The following DAB2IP variants were observed in gnomAD, a reference collection of about 807,000 sequenced individuals.
The protein encoded by DAB2IP is disabled homolog 2-interacting protein.
A neutral mutation model predicts 107.2 loss-of-function variants in DAB2IP; 28 were observed. That is an observed-to-expected ratio of 0.26 (90% confidence interval 0.19 to 0.36). The LOEUF (loss-of-function observed/expected upper bound fraction) is 0.36, where lower values mean the gene tolerates loss of function less well. Among genes scored for constraint, DAB2IP ranks in the 10% least tolerant of loss-of-function variants. The pLI is 1.00. For missense variants in DAB2IP, 1,400 were observed against 1,644.7 expected (o/e 0.85, Z 2.57); for synonymous variants, 755 against 706.4 (o/e 1.07, Z -1.09).
At chr9:121,723,028 G>C (rs1831027947) in intron 3 of DAB2IP, among the ~76,000 whole-genome samples, 1 of 152,216 alleles carries the variant, frequency 6.6e-6, no homozygotes, top group South Asian at 2.1e-4. Flanking sequence ...AGGCCACCCA[G>C]CATGCTCCTG....
intron 1 of DAB2IP, among the ~76,000 whole-genome samples, chr9:121,594,903 C>T (rs2118937409): frequency 6.6e-6 from 1 of 152,268 alleles, no homozygotes; most frequent in Admixed American, 6.5e-5. Flanking sequence ...TAGGCACTGA[C>T]TGGGTAGAGA....
upstream of DAB2IP, among the ~76,000 whole-genome samples, chr9:121,648,549 T>C (rs114504953): frequency 0.011 from 1,728 of 152,122 alleles, 45 homozygotes; most frequent in African/African-American, 0.039. Context: ...TGGGGTTAGG[T>C]CAGATCTGAT....
intron 3 of DAB2IP, among the ~76,000 whole-genome samples, chr9:121,719,360 T>G (rs1238341802): frequency 6.6e-6 from 1 of 151,970 alleles, no homozygotes; most frequent in East Asian, 1.9e-4. Context: ...ACAGAAGAAG[T>G]GACAGGAGTT....
chr9:121,590,500 A>G (rs1830403818), intron 1 of DAB2IP, among the ~76,000 whole-genome samples: 1 of 152,128 alleles, frequency 6.6e-6, no homozygotes. Flanking sequence ...AGGCTCTGTC[A>G]TCTACATGCT....
intron 2 of DAB2IP, among the ~76,000 whole-genome samples, chr9:121,690,627 G>A (rs1053423338): frequency 9.2e-5 from 14 of 152,280 alleles, no homozygotes; most frequent in Admixed American, 7.8e-4. Flanking sequence ...GTTTCTGTTC[G>A]CTGATGCCCG....
chr9:121,751,859 CTG>C, intron 3 of DAB2IP: 1 of 925,074 alleles, frequency 1.1e-6, no homozygotes, highest in Non-Finnish European at 1.3e-6. Context: ...CCAAGCTCCT[CTG>C]TAGCAGCGGA....
rs115048427 is a variant in DAB2IP, at chr9:121,642,894, C to T, written c.41-35784C>T. ...GCAAAGGCACTTGAGATAAGGGGTC[C>T]AGGGAAGGTCTCTGAGGGTGTGATA... On this transcript the variant is annotated intron_variant, in intron 1 of 16. Coordinates refer to the DAB2IP transcript ENST00000259371. Among the ~76,000 whole-genome samples the T allele has an allele frequency of 1.8e-3, 267 of 152,102 alleles. 1 individual carries two copies. Among genetic ancestry groups the T allele is most frequent in the African/African-American group, 5.8e-3 (242 of 41,508 alleles).
At chr9:121,742,526 C>A (rs1411609435) in intron 3 of DAB2IP, among the ~76,000 whole-genome samples, 1 of 152,238 alleles carries the variant, frequency 6.6e-6, no homozygotes, top group East Asian at 1.9e-4. Context: ...AGACCAGGTG[C>A]TGAGACGCAG....
At chr9:121,669,945 C>T (rs540025709) in intron 1 of DAB2IP, among the ~76,000 whole-genome samples, 40 of 152,284 alleles carry the variant, frequency 2.6e-4, no homozygotes, top group African/African-American at 8.7e-4. Context: ...ACCATGCCTG[C>T]GTATAGTTCT....
chr9:121,732,831 C>T (rs1447849678), intron 3 of DAB2IP, among the ~76,000 whole-genome samples: 1 of 152,102 alleles, frequency 6.6e-6, no homozygotes. Context: ...CATGGATAGC[C>T]ACAGCTTATG....
Position 121,684,328 on chromosome 9 carries a change from A to G in DAB2IP, c.228+5547A>G, listed in dbSNP as rs1828746130. Among the ~76,000 whole-genome samples, 1 of 152,044 alleles carries G rather than the reference A, an allele frequency of 6.6e-6. No homozygotes were observed. Among genetic ancestry groups the G allele is most frequent in the Non-Finnish European group, 1.5e-5 (1 of 68,012 alleles). On this transcript the variant is annotated intron_variant, in intron 2 of 15. Coordinates refer to ENST00000408936, the Ensembl canonical transcript of DAB2IP. This position sits in a 1 kb window ranked among gnomAD's most constrained non-coding sequence, Gnocchi z 4.0. ...ACAGCATGTCTAGGGTAGGGCCTGGAGTTGAGCCCAGGTCTCTGTCCCTCT... is the reference window on the plus strand; with the variant it reads ...ACAGCATGTCTAGGGTAGGGCCTGGGGTTGAGCCCAGGTCTCTGTCCCTCT...
chr9:121,685,758 T>C (rs1315491808), intron 2 of DAB2IP, among the ~76,000 whole-genome samples: 1 of 152,256 alleles, frequency 6.6e-6, no homozygotes, highest in Non-Finnish European at 1.5e-5. Context: ...AGTTGCTACC[T>C]GCAGAAATAC....
intron 1 of DAB2IP, among the ~76,000 whole-genome samples, chr9:121,658,141 C>A (rs577918476): frequency 1.3e-5 from 2 of 152,318 alleles, no homozygotes; most frequent in African/African-American, 4.8e-5. Flanking sequence ...GAACTTGACA[C>A]AAACACGCTC....
At chr9:121,714,831 C>T (rs1352195621) in intron 3 of DAB2IP, among the ~76,000 whole-genome samples, 2 of 152,170 alleles carry the variant, frequency 1.3e-5, no homozygotes, top group South Asian at 2.1e-4. Flanking sequence ...AGGGCCTCCC[C>T]GATGACAAAA....
intron 1 of DAB2IP, among the ~76,000 whole-genome samples, chr9:121,570,553 C>G (rs1240732100): frequency 6.6e-6 from 1 of 151,654 alleles, no homozygotes; most frequent in Non-Finnish European, 1.5e-5. Flanking sequence ...TCCACAACAC[C>G]CTCCTTTTTT....
chr9:121,688,906 T>C (rs1432950130), intron 2 of DAB2IP, among the ~76,000 whole-genome samples: 1 of 152,166 alleles, frequency 6.6e-6, no homozygotes, highest in Non-Finnish European at 1.5e-5. Flanking sequence ...GCCCCCACAC[T>C]GGGTGTCTGA....
upstream of DAB2IP, among the ~76,000 whole-genome samples, chr9:121,650,611 G>A (rs974003814): frequency 9.8e-5 from 15 of 152,308 alleles, no homozygotes; most frequent in South Asian, 6.2e-4. Flanking sequence ...CCTTGCCAAG[G>A]CCTCAGTTTC....
At chr9:121,783,244 C>CCTGTGGGG in exon 16 of DAB2IP, 2 of 1,286,898 alleles carry the variant, frequency 1.6e-6, no homozygotes, top group Non-Finnish European at 2.0e-6. Flanking sequence ...AGCTCTTGTC[C>CCTGTGGGG]CTGTGGGGAG....
At chr9:121,709,291 G>T (rs1168573895) in intron 3 of DAB2IP, among the ~76,000 whole-genome samples, 1 of 152,196 alleles carries the variant, frequency 6.6e-6, no homozygotes, top group Non-Finnish European at 1.5e-5. Flanking sequence ...AGCCATCGTA[G>T]CGGGGCGGGG....
Sources: allele counts gnomAD v4.1 joint callset (sites outside exome capture counted in the v4.1 genomes callset), GRCh38; gene constraint gnomAD v4.1.1; non-coding constraint Gnocchi (gnomAD v3.1); transcripts MANE v1.5; gene names NCBI Gene and HGNC (gene_info 2026-07-23, HGNC 2026-07-21).